Variants in NEB observed in about 807,000 individuals in gnomAD.
NEB encodes nebulin, also known as nemaline myopathy type 2.
In NEB, 512 loss-of-function variants were observed where a neutral mutation model predicts 952.2. That is an observed-to-expected ratio of 0.54 (90% CI 0.50 to 0.58). The LOEUF (loss-of-function observed/expected upper bound fraction) is 0.58. Among genes scored for constraint, NEB ranks in the 20% least tolerant of loss-of-function variants. The pLI, the probability that NEB is intolerant of heterozygous loss-of-function variation, is 0.00. For synonymous variants in NEB, 2,900 were observed against 3,149.8 expected (o/e 0.92, Z 2.66); for missense variants, 8,428 against 9,231.1 (o/e 0.91, Z 3.56).
chr2:151,630,876 G>A (rs1305987267), intron 66 of NEB, 57 bp from the exon 67 acceptor site: 1 of 1,436,938 alleles, frequency 7.0e-7, no homozygotes, highest in East Asian at 2.4e-5. Flanking sequence ...ATGACAAAAA[G>A]TTCATTTAAA....
At chr2:151,493,661 G>C in intron 175 of NEB, 114 bp downstream of exon 175, 1 of 919,482 alleles carries the variant, frequency 1.1e-6, no homozygotes, top group East Asian at 2.7e-5. Context: ...GGACAAGGAA[G>C]AATTTTTAAA....
In NEB at chr2:151,524,375, C is replaced by T. The variant is rs753361326; in HGVS notation, c.22415G>A (p.Gly7472Asp). The T allele has an allele frequency of 6.8e-6, 11 of 1,613,980 alleles. No homozygotes were observed. In the South Asian group the frequency reaches 1.2e-4, roughly 18 times the overall value. ...RAKHRKEGSHGLSMLGRPDIE... is the reference protein window; with the variant it reads ...RAKHRKEGSHDLSMLGRPDIE... ...GTCTGGGCGACCGAGCATGCTTAAG[C>T]CATGGCTGCCTTCCTTGCGGTGCTT... The change falls in exon 153 of 182, where the codon GGC (glycine) becomes GAC (aspartate). Residue 7472 changes from glycine to aspartate, a missense_variant. Coordinates refer to ENST00000397345, the MANE Select transcript of NEB (RefSeq NM_001164508.2).
At chr2:151,542,225 C>T (rs2094159104) in intron 135 of NEB, among the ~76,000 whole-genome samples, 2 of 152,146 alleles carry the variant, frequency 1.3e-5, no homozygotes, top group African/African-American at 4.8e-5. Context: ...CCTCATCAGC[C>T]TTCCTCTGGT....
At chr2:151,595,220 G>A (rs2097396399) in intron 92 of NEB, among the ~76,000 whole-genome samples, 1 of 138,840 alleles carries the variant, frequency 7.2e-6, no homozygotes, top group Non-Finnish European at 1.5e-5. Flanking sequence ...CTGGGGGCAG[G>A]GTGCACCTGG....
intron 173 of NEB, among the ~76,000 whole-genome samples, chr2:151,494,779 G>T (rs1264871257): frequency 1.3e-5 from 2 of 152,198 alleles, no homozygotes; most frequent in East Asian, 3.8e-4. Context: ...CTCCTGAGTA[G>T]CTGGGATTAC....
At chr2:151,566,194 T>C (rs1343527567) in intron 114 of NEB, among the ~76,000 whole-genome samples, 4 of 152,190 alleles carry the variant, frequency 2.6e-5, no homozygotes, top group Admixed American at 1.3e-4. Flanking sequence ...ATTTGATACA[T>C]TTAGTCACGT....
In NEB at chr2:151,706,938, A is replaced by G. The variant is rs1463368287; in HGVS notation, c.1095T>C (p.Pro365=). 2 of 1,606,234 alleles carry G rather than the reference A, an allele frequency of 1.2e-6. No individual in the cohort carries two copies. Among genetic ancestry groups the G allele is most frequent in the Non-Finnish European group, 1.7e-6 (2 of 1,175,846 alleles). ...NKGKADYNVL[P]ASENPQLRQL... is the part of the protein sequence containing the mutation. ...GCCTAAGCTGTGGGTTCTCTGAAGC[A>G]GGAAGCACATTATAATCTGCTTTTC... The change falls in exon 13 of 182, where the codon CCT becomes CCC. Residue 365 remains proline (P), a synonymous_variant. Transcript: ENST00000397345.
intron 1 of NEB, among the ~76,000 whole-genome samples, chr2:151,734,182 C>G (rs2099815929): frequency 2.6e-5 from 4 of 152,060 alleles, no homozygotes; most frequent in Admixed American, 2.6e-4. Context: ...TTCAGTCAAG[C>G]AATAAATTGG....
intron 143 of NEB, chr2:151,532,103 T>C (rs949276501): frequency 8.7e-6 from 4 of 461,708 alleles, no homozygotes; most frequent in Admixed American, 7.7e-5. Context: ...TTTCCTTTTT[T>C]TGTTTCCCTC....
At chr2:151,708,062 G>A (rs78789544) in intron 12 of NEB, among the ~76,000 whole-genome samples, 1 of 152,148 alleles carries the variant, frequency 6.6e-6, no homozygotes, top group African/African-American at 2.4e-5. Context: ...GTCAGGGCTT[G>A]TGGCAAAGCC....
intron 4 of NEB, among the ~76,000 whole-genome samples, chr2:151,728,622 C>A (rs374917890): frequency 3.3e-5 from 5 of 152,238 alleles, no homozygotes; most frequent in South Asian, 4.1e-4. Flanking sequence ...ATTACTATTT[C>A]TTACAGCAGG....
rs369995092 is a variant in NEB at position 151,518,347 on chromosome 2, G to A, written c.22771C>T (p.Leu7591=). The change falls in exon 156 of 182, where the codon CTA becomes TTA. Residue 7591 remains leucine, a synonymous_variant. Coordinates refer to ENST00000397345, the MANE Select transcript of NEB (RefSeq NM_001164508.2). Reference sequence around the variant, plus strand: ...CTCTGTAATTCTGTGGCCTCTTTTAGGTGAAGCTGCTCCAGATTATCGGGT... The same window carrying A: ...CTCTGTAATTCTGTGGCCTCTTTTAAGTGAAGCTGCTCCAGATTATCGGGT... ...TIPDNLEQLH[L]KEATELQSIV... The A allele has an allele frequency of 6.2e-7, 1 of 1,610,620 alleles. No homozygotes were observed. Among genetic ancestry groups the A allele is most frequent in the East Asian group, 2.2e-5 (1 of 44,850 alleles).
At chr2:151,695,731 C>T (rs1222493227) in intron 17 of NEB, 49 bp from the exon 18 acceptor site, 2 of 1,388,482 alleles carry the variant, frequency 1.4e-6, no homozygotes, top group Non-Finnish European at 2.0e-6. Flanking sequence ...TTCCAGAATA[C>T]AAAAATTCTT....
In NEB at chr2:151,690,828, A is replaced by T; in HGVS notation, c.2212-3T>A. 1 of 1,552,634 alleles carries T rather than the reference A, an allele frequency of 6.4e-7. No homozygotes were observed. The highest frequency in any genetic ancestry group is 8.8e-7 in the Non-Finnish European group (1 of 1,139,404). ...TCTGGATGAACTTTGTAGGTATGCT[A>T]GAAAAGAAGATGTTCTTTAATGAAA... is the stretch of plus-strand genomic sequence containing the variant. On this transcript the variant is annotated splice_region_variant and splice_polypyrimidine_tract_variant and intron_variant, in intron 23 of 181. Transcript: ENST00000397345.
In NEB at chr2:151,691,866, C is replaced by T; in HGVS notation, c.2209G>A (p.Asp737Asn). 1 of 1,588,418 alleles carries T rather than the reference C, an allele frequency of 6.3e-7. No homozygotes were observed. The highest frequency in any genetic ancestry group is 2.2e-5 in the East Asian group (1 of 44,476). ...EAIKKLDQCK[D>N]HTYKVHPDKT... is the part of the protein sequence containing the mutation. ...ATAATTCAGGGCAGCTAACTTACAT[C>T]TTTACACTGGTCCAGCTTCTTGATT... The change falls in exon 23 of 182, where the codon GAT becomes AAT. Residue 737 changes from aspartate (D) to asparagine (N), a missense_variant and splice_region_variant. By Grantham distance (23) the Asp-to-Asn change is conservative. Transcript: ENST00000397345.
chr2:151,491,500 A>G (rs2056616584), intron 179 of NEB, 183 bp downstream of exon 179: 1 of 520,910 alleles, frequency 1.9e-6, no homozygotes, highest in Non-Finnish European at 3.4e-6. Flanking sequence ...AATTTTTTCT[A>G]ACTTGAACTT....
intron 105 of NEB, among the ~76,000 whole-genome samples, chr2:151,577,555 G>A (rs1174315016): frequency 3.9e-5 from 6 of 152,112 alleles, no homozygotes; most frequent in Admixed American, 3.9e-4. Context: ...TTATCAATGT[G>A]AACTCCCTAA....
At chr2:151,649,744 C>G (rs2099009526) in intron 54 of NEB, among the ~76,000 whole-genome samples, 1 of 152,144 alleles carries the variant, frequency 6.6e-6, no homozygotes, top group South Asian at 2.1e-4. Flanking sequence ...ACAGAATTAT[C>G]CATTTATCCT....
At chr2:151,537,074 T>C (rs1179362208) in intron 141 of NEB, 58 bp downstream of exon 141, 4 of 1,063,010 alleles carry the variant, frequency 3.8e-6, no homozygotes, top group Admixed American at 1.9e-5. Flanking sequence ...GTGCTAATTC[T>C]CTCTGGGTAC....
Sources: allele counts gnomAD v4.1 joint callset (sites outside exome capture counted in the v4.1 genomes callset), GRCh38; gene constraint gnomAD v4.1.1; transcripts MANE v1.5; gene names NCBI Gene and HGNC (gene_info 2026-07-23, HGNC 2026-07-21).